CPLANE1: variants seen among roughly 807,000 people sequenced by gnomAD.
The protein encoded by CPLANE1 is ciliogenesis and planar polarity effector 1.
In CPLANE1, 263 loss-of-function variants were observed where a neutral mutation model predicts 362.5. The observed-to-expected ratio is 0.73, with a 90% CI of 0.66 to 0.80. The LOEUF is 0.80. CPLANE1 is among the 30% of genes least tolerant of loss of function. CPLANE1 has a pLI of 0.00. For missense variants in CPLANE1, 3,461 were observed against 3,793.4 expected, an observed-to-expected ratio of 0.91 and a Z score of 2.30; for synonymous variants, 1,212 against 1,302.6, an observed-to-expected ratio of 0.93 and a Z score of 1.50.
chr5:37,212,954 T>C (rs1391275705), intron 16 of CPLANE1, among the ~76,000 whole-genome samples: 3 of 152,230 alleles, frequency 2.0e-5, no homozygotes, highest in Non-Finnish European at 4.4e-5. Flanking sequence ...GGCGCACGCC[T>C]ATAATCCCAG....
chr5:37,139,479 C>A, intron 44 of CPLANE1, 109 bp from the exon 45 acceptor site: 1 of 1,074,392 alleles, frequency 9.3e-7, no homozygotes, highest in Non-Finnish European at 1.2e-6. Flanking sequence ...TACTTTTAAA[C>A]TTCCAAATTG....
chr5:37,159,841 G>C (rs546565747), intron 38 of CPLANE1, among the ~76,000 whole-genome samples: 1 of 152,184 alleles, frequency 6.6e-6, no homozygotes, highest in South Asian at 2.1e-4. Context: ...AAGTCATACT[G>C]TTCTTAGGAA....
chr5:37,107,144 G>A lies in CPLANE1; in HGVS notation c.*458C>T. 1 of 985,422 alleles carries A rather than the reference G, an allele frequency of 1.0e-6. No homozygotes were observed. The allele number at this position is 985,422 out of a possible 1,614,324, so 61.0% of individuals were successfully genotyped here. ...TCACTCCTAGGCTAAACCCTGCATAGGTGTTTTAAAATAGGGTTCATAATT... is the reference window on the plus strand; with the variant it reads ...TCACTCCTAGGCTAAACCCTGCATAAGTGTTTTAAAATAGGGTTCATAATT... On this transcript the variant is annotated 3_prime_UTR_variant, in exon 53 of 53. Coordinates refer to ENST00000651892, the MANE Select transcript of CPLANE1 (RefSeq NM_001384732.1).
chr5:37,154,361 T>C (rs73750940), intron 41 of CPLANE1, among the ~76,000 whole-genome samples: 225 of 151,252 alleles, frequency 1.5e-3, no homozygotes, highest in African/African-American at 5.3e-3. Context: ...TTATATGAGA[T>C]CTCAGGCAAA....
At chr5:37,140,048 T>A in intron 44 of CPLANE1, 1 of 939,406 alleles carries the variant, frequency 1.1e-6, no homozygotes, top group Non-Finnish European at 1.3e-6. Flanking sequence ...GAGAAGCAAT[T>A]TACCTGTAAG....
At position 37,183,264 on chromosome 5, in the gene CPLANE1, G is replaced by A. The variant is rs778411168; in HGVS notation, c.4917C>T (p.Gly1639=). The A allele has an allele frequency of 6.2e-7, 1 of 1,612,938 alleles. No individual in the cohort carries two copies. Among genetic ancestry groups the A allele is most frequent in the Non-Finnish European group, 8.5e-7 (1 of 1,179,706 alleles). ...EKSSSLNDEY[G]MHLENQKLSS... Reference sequence around the variant, plus strand: ...AAAGTTTCTGGTTTTCTAAATGCATGCCATATTCATCATTTAAAGAGGATG... The same window carrying A: ...AAAGTTTCTGGTTTTCTAAATGCATACCATATTCATCATTTAAAGAGGATG... The change falls in exon 26 of 53, where the codon GGC becomes GGT. Residue 1639 remains glycine (G), a synonymous_variant. Coordinates refer to ENST00000651892, the MANE Select transcript of CPLANE1 (RefSeq NM_001384732.1).
chr5:37,172,464 T>A (rs1780063273), intron 32 of CPLANE1, among the ~76,000 whole-genome samples: 1 of 152,196 alleles, frequency 6.6e-6, no homozygotes, highest in African/African-American at 2.4e-5. Context: ...ATTATCTGGA[T>A]AATGTGTTAA....
chr5:37,147,259 A>T (rs1421622863), intron 43 of CPLANE1, among the ~76,000 whole-genome samples: 2 of 152,262 alleles, frequency 1.3e-5, no homozygotes, highest in East Asian at 3.8e-4. Flanking sequence ...CCTCAGCCAC[A>T]AGGGAAATTT....
chr5:37,248,759 T>C (rs919560523), intron 1 of CPLANE1, among the ~76,000 whole-genome samples: 9 of 152,360 alleles, frequency 5.9e-5, no homozygotes, highest in Admixed American at 3.3e-4. Flanking sequence ...TTGCAGCTCC[T>C]AATGAAATAA....
chr5:37,134,041 C>T (rs1384205057), intron 46 of CPLANE1, among the ~76,000 whole-genome samples: 1 of 152,138 alleles, frequency 6.6e-6, no homozygotes, highest in Non-Finnish European at 1.5e-5. Context: ...TTTCGGTTTG[C>T]TATATTTTGT....
chr5:37,099,076 A>C, the CPLANE1 span, among the ~76,000 whole-genome samples: 1 of 152,130 alleles, frequency 6.6e-6, no homozygotes, highest in African/African-American at 2.4e-5. Context: ...AAATAGACTT[A>C]AAAAAATACA....
In CPLANE1 at chr5:37,153,989, C is replaced by A. The variant is rs756822498; in HGVS notation, c.8124G>T (p.Leu2708=). Residue 2708 remains leucine, a synonymous_variant, in exon 42 of 53, where the codon CTG becomes CTT. Transcript: ENST00000651892. The stretch of plus-strand genomic sequence containing the variant: ...CTTTGAATCGGAACTCTGGTTTTGG[C>A]AGACCTAAATATTAATAAGAATAAA... The part of the protein sequence containing the change: ...TPSDIQQNKG[L]PKPEFRFKGQ... 1.9e-5 allele frequency: 31 copies of A among 1,605,452 alleles called. No homozygotes were observed. Among genetic ancestry groups the A allele is most frequent in the Non-Finnish European group, 2.5e-5 (29 of 1,174,122 alleles).
At chr5:37,126,421 T>C (rs973612195) in intron 46 of CPLANE1, among the ~76,000 whole-genome samples, 5 of 152,178 alleles carry the variant, frequency 3.3e-5, no homozygotes, top group African/African-American at 1.2e-4. Context: ...TGACTTGGCC[T>C]GAGGTTTTAC....
At chr5:37,243,141 T>G (rs1207943657) in intron 5 of CPLANE1, 22 bp from the exon 6 acceptor site, 1 of 1,328,546 alleles carries the variant, frequency 7.5e-7, no homozygotes, top group African/African-American at 1.5e-5. Flanking sequence ...TTTAATATAC[T>G]TTAGTATAAA....
chr5:37,212,487 G>A (rs1389180790), intron 16 of CPLANE1: 3 of 558,114 alleles, frequency 5.4e-6, no homozygotes, highest in Non-Finnish European at 1.0e-5. Flanking sequence ...GAATAAAAAT[G>A]TGTAATCCAA....
At chr5:37,222,658 C>G (rs891404336) in intron 14 of CPLANE1, among the ~76,000 whole-genome samples, 2 of 152,182 alleles carry the variant, frequency 1.3e-5, no homozygotes, top group East Asian at 3.8e-4. Flanking sequence ...CTTTTCTATA[C>G]CCAGAACTTC....
intron 19 of CPLANE1, among the ~76,000 whole-genome samples, chr5:37,199,290 C>T (rs562992976): frequency 8.5e-5 from 13 of 152,170 alleles, no homozygotes; most frequent in Admixed American, 6.5e-4. Flanking sequence ...CCCAGTCTTA[C>T]GCTAGAACAG....
intron 42 of CPLANE1, among the ~76,000 whole-genome samples, chr5:37,148,798 C>T (rs1580177784): frequency 6.6e-6 from 1 of 152,160 alleles, no homozygotes; most frequent in Non-Finnish European, 1.5e-5. Context: ...CACCTGTAAT[C>T]CCAGCACTTT....
chr5:37,135,799 C>G (rs1767528959), intron 46 of CPLANE1, among the ~76,000 whole-genome samples: 1 of 152,002 alleles, frequency 6.6e-6, no homozygotes, highest in African/African-American at 2.4e-5. Flanking sequence ...CCATGGCACT[C>G]CAGCCTGGCA....
Sources: allele counts gnomAD v4.1 joint callset (sites outside exome capture counted in the v4.1 genomes callset), GRCh38; gene constraint gnomAD v4.1.1; transcripts MANE v1.5; gene names NCBI Gene and HGNC (gene_info 2026-07-23, HGNC 2026-07-21).